The following PRL variants were observed in gnomAD, a reference collection of about 807,000 sequenced individuals.
PRL encodes decidual prolactin.
PRL carries 24 observed loss-of-function variants against 21.3 expected under a neutral mutation model. That is an observed-to-expected ratio of 1.13 (90% confidence interval 0.82 to 1.59). The LOEUF is 1.59. PRL is among the 40% of genes most tolerant of loss of function. The probability of loss-of-function intolerance (pLI) is 0.00; values close to 1 mark genes in which losing one functional copy is unlikely to be tolerated. For missense variants in PRL, 243 were observed against 286.9 expected (o/e 0.85, Z 1.10); for synonymous variants, 118 against 115.7 (o/e 1.02, Z -0.13).
In PRL at chr6:22,288,913, T is replaced by TGTGTGC. The variant is rs1420287158; in HGVS notation, c.492+1255_492+1260dup. ...GTGTGTGCGTGTGTGCGCGCGCGTGTGTGTGCGTGCGCGTGTGTGTGCATG... is the reference window on the plus strand; with the variant it reads ...GTGTGTGCGTGTGTGCGCGCGCGTGTGTGTGCGTGTGCGTGCGCGTGTGTGTGCATG... On this transcript the variant is annotated intron_variant, in intron 4 of 4. Coordinates refer to ENST00000306482, the MANE Select transcript of PRL (RefSeq NM_000948.6). This position sits in a 1 kb window ranked among gnomAD's most constrained non-coding sequence, Gnocchi z 4.5. Among the ~76,000 whole-genome samples, 2 of 149,946 alleles carry TGTGTGC rather than the reference T, an allele frequency of 1.3e-5. No individual in the cohort carries two copies. Among genetic ancestry groups the TGTGTGC allele is most frequent in the African/African-American group, 4.9e-5 (2 of 40,542 alleles).
chr6:22,302,516 T>C (rs1372239705), intron 1 of PRL, among the ~76,000 whole-genome samples: 1 of 152,086 alleles, frequency 6.6e-6, no homozygotes, highest in Non-Finnish European at 1.5e-5. Flanking sequence ...TTCTTGCCCA[T>C]AGATAGGTTT....
chr6:22,292,387 C>T, intron 3 of PRL, 151 bp downstream of exon 3: 1 of 717,538 alleles, frequency 1.4e-6, no homozygotes, highest in Non-Finnish European at 2.4e-6. Context: ...CATATTTCAT[C>T]AACTACATAA....
chr6:22,287,932 G>A (rs572455433), intron 4 of PRL, among the ~76,000 whole-genome samples: 29 of 152,252 alleles, frequency 1.9e-4, no homozygotes, highest in African/African-American at 6.7e-4. Flanking sequence ...GCTCTCACTT[G>A]AGGAACTATT....
In PRL at chr6:22,290,250, G is replaced by GGATAT. The variant is rs1177902445; in HGVS notation, c.415_416insATATC (p.Ala139AspfsTer9). On this transcript the variant is annotated frameshift_variant, in exon 4 of 5. Coordinates refer to ENST00000306482, the MANE Select transcript of PRL (RefSeq NM_000948.6). LOFTEE classifies it high-confidence loss of function. ...AATCTCTACAGCTTTGGATAGGATA[G>GGATAT]CCTCCGGGGCTTCTTGCATACCACG... The GGATAT allele has an allele frequency of 6.2e-7, 1 of 1,613,084 alleles. No homozygotes were observed. Among genetic ancestry groups the GGATAT allele is most frequent in the African/African-American group, 1.3e-5 (1 of 74,906 alleles).
chr6:22,287,509 G>T lies in PRL; in HGVS notation c.577C>A (p.Leu193Ile). Residue 193 changes from leucine (L) to isoleucine (I), a missense_variant, in exon 5 of 5, where the codon CTT (leucine) becomes ATT (isoleucine). Leu to Ile is a conservative substitution (Grantham distance 5, BLOSUM62 2). Coordinates refer to ENST00000306482, the MANE Select transcript of PRL (RefSeq NM_000948.6). The part of the protein sequence containing the change: ...SLQMADEESR[L>I]SAYYNLLHCL... ...TGGAGCAGGTTATAATAAGCAGAAAGGCGAGACTCTTCATCAGCCATCTGC... is the reference window on the plus strand; with the variant it reads ...TGGAGCAGGTTATAATAAGCAGAAATGCGAGACTCTTCATCAGCCATCTGC... 1 of 1,614,114 alleles carries T rather than the reference G, an allele frequency of 6.2e-7. No homozygotes were observed. Among genetic ancestry groups the T allele is most frequent in the Non-Finnish European group, 8.5e-7 (1 of 1,179,968 alleles).
At chr6:22,290,415 G>A (rs912907857) in intron 3 of PRL, 62 bp from the exon 4 acceptor site, 2 of 1,337,588 alleles carry the variant, frequency 1.5e-6, no homozygotes, top group African/African-American at 2.9e-5. Context: ...TTAGTTACTT[G>A]TGATTTTTGC....
chr6:22,287,642 G>A (rs944487132), intron 4 of PRL, 49 bp from the exon 5 acceptor site: 1 of 1,433,808 alleles, frequency 7.0e-7, no homozygotes, highest in South Asian at 1.4e-5. Flanking sequence ...ATTAGTATTT[G>A]TATGTCCTTG....
rs1465261998 is a variant in PRL at position 22,294,581 on chromosome 6, G to C, written c.32C>G (p.Ser11Cys). MNIKGSPWKGSLLLLLVSNLL... is the reference protein window; with the variant it reads MNIKGSPWKGCLLLLLVSNLL... The stretch of plus-strand genomic sequence containing the variant: ...GTTTGACACCAGCAGCAGCAGGAGG[G>C]ACCCTGCTTAAATAAGAACGCGAGC... The change falls in exon 2 of 5, where the codon TCC (serine) becomes TGC (cysteine). Residue 11 changes from serine (S) to cysteine (C), a missense_variant. By Grantham distance (112) the Ser-to-Cys change is moderately radical (BLOSUM62 -1). Transcript: ENST00000306482. The C allele has an allele frequency of 2.5e-6, 4 of 1,575,634 alleles. No homozygotes were observed. The highest frequency in any genetic ancestry group is 3.8e-5 in the Admixed American group (2 of 52,750).
At chr6:22,292,268 A>T (rs1191102228) in intron 3 of PRL, among the ~76,000 whole-genome samples, 4 of 152,224 alleles carry the variant, frequency 2.6e-5, no homozygotes, top group Non-Finnish European at 1.5e-5. Context: ...AACTGTATAT[A>T]CAATCCTAGC....
In PRL at chr6:22,288,225, C is replaced by G. The variant is rs368358085; in HGVS notation, c.493-632G>C. ...TTGAGGTCCCTGGGCTGGGAGGTGC[C>G]GGGAAAAGCACCTACAAGGAAAGGG... On this transcript the variant is annotated intron_variant, in intron 4 of 4. Coordinates refer to ENST00000306482, the MANE Select transcript of PRL (RefSeq NM_000948.6). The surrounding 1 kb of genome is among the most constrained non-coding windows in gnomAD (Gnocchi z 4.5). Among the ~76,000 whole-genome samples the G allele has an allele frequency of 6.6e-6, 1 of 151,878 alleles. No homozygotes were observed.
At position 22,288,887 on chromosome 6, in the gene PRL, TGTGTGTGC is replaced by T. The variant is rs1441945461; in HGVS notation, c.492+1279_492+1286del. Among the ~76,000 whole-genome samples, 2 of 151,772 alleles carry T rather than the reference TGTGTGTGC, an allele frequency of 1.3e-5. No homozygotes were observed. The highest frequency in any genetic ancestry group is 2.1e-4 in the South Asian group (1 of 4,808). The stretch of plus-strand genomic sequence containing the variant: ...GTGTGTGTGTGTATGCGCGTGCGCG[TGTGTGTGC>T]GTGTGTGCGCGCGCGTGTGTGTGCG... On this transcript the variant is annotated intron_variant, in intron 4 of 4. Transcript: ENST00000306482. This position sits in a 1 kb window ranked among gnomAD's most constrained non-coding sequence, Gnocchi z 4.5.
intron 3 of PRL, 47 bp from the exon 4 acceptor site, chr6:22,290,400 T>G: frequency 7.1e-7 from 1 of 1,414,504 alleles, no homozygotes; most frequent in Non-Finnish European, 9.5e-7. Context: ...TAAAATACAA[T>G]GGGGTTAGTT....
rs1015911720 is a variant in PRL at position 22,288,754 on chromosome 6, T to G, written c.493-1161A>C. Among the ~76,000 whole-genome samples, 2 of 152,184 alleles carry G rather than the reference T, an allele frequency of 1.3e-5. No individual in the cohort carries two copies. The highest frequency in any genetic ancestry group is 4.8e-5 in the African/African-American group (2 of 41,452). ...GCAACTTTAGGGATGTCAGCTAGTT[T>G]GGAGAGTTATTAGGTATATATCTGG... On this transcript the variant is annotated intron_variant, in intron 4 of 4. Transcript: ENST00000306482. This position sits in a 1 kb window ranked among gnomAD's most constrained non-coding sequence, Gnocchi z 4.5.
chr6:22,292,847 A>G (rs974825714), intron 2 of PRL, among the ~76,000 whole-genome samples: 1 of 152,144 alleles, frequency 6.6e-6, no homozygotes, highest in Non-Finnish European at 1.5e-5. Flanking sequence ...TTTTTCATCT[A>G]GTTTTCATAA....
intron 2 of PRL, among the ~76,000 whole-genome samples, chr6:22,293,430 A>T (rs1040573933): frequency 6.6e-6 from 1 of 152,142 alleles, no homozygotes; most frequent in African/African-American, 2.4e-5. Flanking sequence ...ATAATTTTAT[A>T]AATGTATGTT....
rs1246525854 is a variant in PRL at position 22,288,908 on chromosome 6, G to A, written c.492+1266C>T. On this transcript the variant is annotated intron_variant, in intron 4 of 4. Coordinates refer to ENST00000306482, the MANE Select transcript of PRL (RefSeq NM_000948.6). The surrounding 1 kb of genome is among the most constrained non-coding windows in gnomAD (Gnocchi z 4.5). ...CGCGTGTGTGTGCGTGTGTGCGCGC[G>A]CGTGTGTGTGCGTGCGCGTGTGTGT... is the stretch of plus-strand genomic sequence containing the variant. 2.7e-5 allele frequency among the ~76,000 whole-genome samples: 4 copies of A among 148,512 alleles called. No homozygotes were observed. The highest frequency in any genetic ancestry group is 4.4e-5 in the Non-Finnish European group (3 of 67,558).
chr6:22,296,350 T>A (rs974214321), intron 1 of PRL, among the ~76,000 whole-genome samples: 1 of 152,246 alleles, frequency 6.6e-6, no homozygotes, highest in Non-Finnish European at 1.5e-5. Flanking sequence ...TGTTTTTCCT[T>A]TTGAAATGTC....
In PRL at chr6:22,292,590, T is replaced by C. The variant is rs1172354057; in HGVS notation, c.260A>G (p.His87Arg). The C allele has an allele frequency of 1.2e-6, 2 of 1,614,002 alleles. No individual in the cohort carries two copies. Among genetic ancestry groups the C allele is most frequent in the Non-Finnish European group, 1.7e-6 (2 of 1,180,032 alleles). The change falls in exon 3 of 5, where the codon CAC becomes CGC. Residue 87 changes from histidine to arginine, a missense_variant. Coordinates refer to ENST00000306482, the MANE Select transcript of PRL (RefSeq NM_000948.6). ...TTCGGGGGTGGCAAGGGAAGAAGTGTGGCAGCTGTTGATGGCCTTGGTAAT... is the reference window on the plus strand; with the variant it reads ...TTCGGGGGTGGCAAGGGAAGAAGTGCGGCAGCTGTTGATGGCCTTGGTAAT... Reference protein sequence around the residue: ...GFITKAINSCHTSSLATPEDK... With the variant: ...GFITKAINSCRTSSLATPEDK...
In PRL at chr6:22,288,910, G is replaced by GCA. The variant is rs1561753148; in HGVS notation, c.492+1263_492+1264insTG. Reference sequence around the variant, plus strand: ...CGTGTGTGTGCGTGTGTGCGCGCGCGTGTGTGTGCGTGCGCGTGTGTGTGC... The same window carrying GCA: ...CGTGTGTGTGCGTGTGTGCGCGCGCGCATGTGTGTGCGTGCGCGTGTGTGTGC... On this transcript the variant is annotated intron_variant, in intron 4 of 4. Transcript: ENST00000306482. This position sits in a 1 kb window ranked among gnomAD's most constrained non-coding sequence, Gnocchi z 4.5. Among the ~76,000 whole-genome samples, 7 of 149,672 alleles carry GCA rather than the reference G, an allele frequency of 4.7e-5. No individual in the cohort carries two copies. Among genetic ancestry groups the GCA allele is most frequent in the Admixed American group, 2.7e-4 (4 of 15,066 alleles).
Sources: gnomAD v4.1 joint callset for allele counts (sites outside exome capture counted in the v4.1 genomes callset) on GRCh38, gnomAD v4.1.1 for gene constraint, Gnocchi (gnomAD v3.1) non-coding constraint, MANE v1.5 for transcripts, NCBI Gene and HGNC (gene_info 2026-07-23, HGNC 2026-07-21) for gene names.